The following MTRR variants were observed in gnomAD, a reference collection of about 807,000 sequenced individuals.
MTRR encodes the protein 5-methyltetrahydrofolate-homocysteine methyltransferase reductase.
Under a neutral mutation model 79.2 loss-of-function variants are expected in MTRR, and 63 were observed. That is an observed-to-expected ratio of 0.80 (90% CI 0.65 to 0.98). The LOEUF (loss-of-function observed/expected upper bound fraction) is 0.98. MTRR is among the 50% of genes least tolerant of loss of function. The pLI, the probability that MTRR is intolerant of heterozygous loss-of-function variation, is 0.00. For synonymous variants in MTRR, 355 were observed against 313.3 expected (o/e 1.13, Z -1.41); for missense variants, 895 against 839.6 (o/e 1.07, Z -0.82).
intron 9 of MTRR, chr5:7,890,415 G>C: frequency 1.0e-6 from 1 of 985,242 alleles, no homozygotes; most frequent in South Asian, 4.7e-5. Context: ...AACACAGGGT[G>C]GGGAGTTCTA....
chr5:7,880,104 A>G (rs72716537), intron 5 of MTRR, among the ~76,000 whole-genome samples: 1,854 of 152,274 alleles, frequency 0.012, 15 homozygotes, highest in Middle Eastern at 0.037. Context: ...AACCCTAAAA[A>G]TTGTGCTGGC....
At position 7,892,786 on chromosome 5, in the gene MTRR, C is replaced by T; in HGVS notation, c.1430C>T (p.Ser477Phe). Residue 477 changes from serine to phenylalanine, a missense_variant, in exon 11 of 15, where the codon TCT becomes TTT. Transcript: ENST00000440940. ...GTCTTCAACATTGTGGAATTTCTGTCTACTGCCACAACAGAGGTTCTGCGG... is the reference window on the plus strand; with the variant it reads ...GTCTTCAACATTGTGGAATTTCTGTTTACTGCCACAACAGAGGTTCTGCGG... ...HFVFNIVEFL[S>F]TATTEVLRKG... is the part of the protein sequence containing the mutation. 6.2e-7 allele frequency: 1 copy of T among 1,614,214 alleles called. No individual in the cohort carries two copies. The highest frequency in any genetic ancestry group is 8.5e-7 in the Non-Finnish European group (1 of 1,180,040).
upstream of MTRR, chr5:7,868,030 C>T (rs1174935039): frequency 1.2e-6 from 2 of 1,613,376 alleles, no homozygotes; most frequent in South Asian, 1.1e-5. Flanking sequence ...GAGCTCTATG[C>T]ATCTGAAAAT....
At chr5:7,861,519 A>G in intron 1 of MTRR, 1 of 1,185,016 alleles carries the variant, frequency 8.4e-7, no homozygotes, top group Non-Finnish European at 1.1e-6. Flanking sequence ...CTTGAGAAAA[A>G]GATACCGCTG....
chr5:7,872,267 A>T lies in MTRR; in HGVS notation c.130-1106A>T, dbSNP rs949186080. The stretch of plus-strand genomic sequence containing the variant: ...GGTGAATTATTTGGAGCCAAATTCG[A>T]TGGTGTTCATGGGCAGTAAAGCTTG... On this transcript the variant is annotated intron_variant, in intron 2 of 14. Transcript: ENST00000440940. 3 of 454,480 alleles carry T rather than the reference A, an allele frequency of 6.6e-6. No homozygotes were observed. The Admixed American group carries it at 7.1e-5, about 11-fold the overall frequency. 28.2% of individuals were successfully genotyped at this position (454,480 alleles called of 1,614,324 possible). A position where few individuals can be genotyped will look rare whatever the true frequency, so the allele number is the denominator to read the frequency against.
At position 7,889,147 on chromosome 5, in the gene MTRR, G is replaced by C; in HGVS notation, c.1199G>C (p.Arg400Thr). The change falls in exon 9 of 15, where the codon AGG becomes ACG. Residue 400 changes from arginine (R) to threonine (T), a missense_variant. Transcript: ENST00000440940. ...ACCAGTGACAGTGCTGAAAAGCGCA[G>C]GCTACAGGAGCTGTGCAGTAAACAA... Reference protein sequence around the residue: ...DYTSDSAEKRRLQELCSKQGA... With the variant: ...DYTSDSAEKRTLQELCSKQGA... 6.2e-7 allele frequency: 1 copy of C among 1,614,144 alleles called. No homozygotes were observed.
chr5:7,899,400 C>T (rs141963164), intron 14 of MTRR, among the ~76,000 whole-genome samples: 2,550 of 152,318 alleles, frequency 0.017, 33 homozygotes, highest in Non-Finnish European at 0.025. Flanking sequence ...GTACCGCCCC[C>T]TTCTTGTAAA....
chr5:7,876,160 A>G (rs1020189421), intron 4 of MTRR, among the ~76,000 whole-genome samples: 2 of 127,406 alleles, frequency 1.6e-5, no homozygotes, highest in African/African-American at 6.2e-5. Flanking sequence ...GCTTTTCGGC[A>G]TACTGTATTT....
intron 3 of MTRR, among the ~76,000 whole-genome samples, chr5:7,874,240 TTTTATC>T (rs1454549597): frequency 1.3e-5 from 2 of 152,198 alleles, no homozygotes; most frequent in Non-Finnish European, 1.5e-5. Flanking sequence ...ACCTATGTTG[TTTTATC>T]TTTGAGGATT....
upstream of MTRR, chr5:7,868,920 G>A (rs1282907478): frequency 1.6e-6 from 1 of 632,620 alleles, no homozygotes; most frequent in Non-Finnish European, 2.9e-6. Context: ...GGAGAAAGCC[G>A]GCCAGGTCTT....
chr5:7,862,643 A>G (rs1341751777), intron 2 of MTRR, among the ~76,000 whole-genome samples: 1 of 152,140 alleles, frequency 6.6e-6, no homozygotes, highest in Non-Finnish European at 1.5e-5. Flanking sequence ...CTAATATTTG[A>G]GACTTAAACC....
chr5:7,881,945 A>T (rs1452533810), intron 5 of MTRR, among the ~76,000 whole-genome samples: 1 of 151,586 alleles, frequency 6.6e-6, no homozygotes, highest in African/African-American at 2.4e-5. Flanking sequence ...CTGCTCTCTC[A>T]CTGGTGTGGT....
intron 2 of MTRR, chr5:7,863,109 G>GA: frequency 1.1e-6 from 1 of 897,840 alleles, no homozygotes; most frequent in Non-Finnish European, 1.8e-6. Flanking sequence ...TTATAGGCAT[G>GA]ATACTTTTCC....
intron 8 of MTRR, 60 bp downstream of exon 8, chr5:7,886,763 T>C: frequency 2.9e-6 from 4 of 1,358,318 alleles, no homozygotes; most frequent in Non-Finnish European, 4.2e-6. Flanking sequence ...TTATTTAGGA[T>C]TGATTAAACA....
At chr5:7,890,552 TAA>T (rs1737376732) in intron 9 of MTRR, 3 of 345,600 alleles carry the variant, frequency 8.7e-6, no homozygotes, top group African/African-American at 4.5e-5. Context: ...ATAAAAAAAT[TAA>T]AGTCATTGGG....
chr5:7,897,313 A>AG, intron 14 of MTRR, 66 bp downstream of exon 14: 1 of 1,511,178 alleles, frequency 6.6e-7, no homozygotes, highest in Non-Finnish European at 9.2e-7. Context: ...GAAGAAAAAA[A>AG]GGACCGAGAA....
upstream of MTRR, chr5:7,869,017 GCGC>G: frequency 4.0e-6 from 5 of 1,242,824 alleles, no homozygotes; most frequent in Non-Finnish European, 4.7e-6. Flanking sequence ...GGTCGCGGAA[GCGC>G]CTGGGCGTCG....
At chr5:7,892,050 A>G (rs1737698087) in intron 10 of MTRR, among the ~76,000 whole-genome samples, 1 of 152,114 alleles carries the variant, frequency 6.6e-6, no homozygotes, top group Non-Finnish European at 1.5e-5. Context: ...AAAAAAATAA[A>G]AAAAAAGAAT....
chr5:7,894,164 A>G (rs979264381), intron 11 of MTRR, among the ~76,000 whole-genome samples: 1 of 152,176 alleles, frequency 6.6e-6, no homozygotes, highest in Non-Finnish European at 1.5e-5. Flanking sequence ...TATCCAATCT[A>G]TATGCAGTAG....
Sources: allele counts gnomAD v4.1 joint callset (sites outside exome capture counted in the v4.1 genomes callset), GRCh38; gene constraint gnomAD v4.1.1; transcripts MANE v1.5; gene names NCBI Gene and HGNC (gene_info 2026-07-23, HGNC 2026-07-21).